Variants in SLC24A3 observed in about 807,000 individuals in gnomAD.
The protein encoded by SLC24A3 is solute carrier family 24 member 3.
A neutral mutation model predicts 75.8 loss-of-function variants in SLC24A3; 28 were observed. The ratio of observed to expected loss-of-function variants is 0.37; its 90% CI spans 0.27 to 0.51. SLC24A3 has a LOEUF of 0.51. Among genes scored for constraint, SLC24A3 ranks in the 20% least tolerant of loss-of-function variants. The pLI, the probability that SLC24A3 is intolerant of heterozygous loss-of-function variation, is 0.94. For missense variants in SLC24A3, 663 were observed against 847.8 expected (o/e 0.78, Z 2.71); for synonymous variants, 372 against 334.1 (o/e 1.11, Z -1.24).
intron 7 of SLC24A3, among the ~76,000 whole-genome samples, chr20:19,663,474 T>TCTA (rs2032361974): frequency 7.5e-6 from 1 of 132,954 alleles, no homozygotes; most frequent in African/African-American, 2.9e-5. Context: ...CTCCTCCTCC[T>TCTA]CCGCCTTCTC....
intron 2 of SLC24A3, among the ~76,000 whole-genome samples, chr20:19,368,582 T>A (rs1218441845): frequency 6.6e-6 from 1 of 152,220 alleles, no homozygotes; most frequent in Non-Finnish European, 1.5e-5. Flanking sequence ...TGGGCCTTGC[T>A]TCTCCTTCCT....
intron 15 of SLC24A3, among the ~76,000 whole-genome samples, chr20:19,699,561 T>C (rs2032848773): frequency 1.3e-5 from 2 of 152,252 alleles, no homozygotes; most frequent in Non-Finnish European, 2.9e-5. Flanking sequence ...AAATATCTTA[T>C]GTGGGAATTA....
chr20:19,330,232 C>T (rs1278233789), intron 2 of SLC24A3, among the ~76,000 whole-genome samples: 2 of 152,148 alleles, frequency 1.3e-5, no homozygotes, highest in East Asian at 1.9e-4. Context: ...GGCCTCCAAT[C>T]GGTGGGTCTG....
intron 2 of SLC24A3, among the ~76,000 whole-genome samples, chr20:19,422,812 A>C (rs1282526460): frequency 6.6e-6 from 1 of 152,204 alleles, no homozygotes; most frequent in Non-Finnish European, 1.5e-5. Flanking sequence ...ACCTCTTTAC[A>C]AAACCCCACC....
intron 9 of SLC24A3, among the ~76,000 whole-genome samples, chr20:19,675,592 A>G (rs948388175): frequency 3.3e-5 from 5 of 152,136 alleles, no homozygotes; most frequent in African/African-American, 1.2e-4. Context: ...GTTACTGTAG[A>G]CCCCACATCT....
At chr20:19,693,527 T>G in intron 13 of SLC24A3, 102 bp downstream of exon 13, 2 of 1,436,324 alleles carry the variant, frequency 1.4e-6, no homozygotes, top group Non-Finnish European at 1.9e-6. Context: ...AGTCAGCTAT[T>G]GCTACAATAA....
chr20:19,680,127 T>C (rs2032595811), intron 9 of SLC24A3, among the ~76,000 whole-genome samples: 1 of 150,534 alleles, frequency 6.6e-6, no homozygotes, highest in Non-Finnish European at 1.5e-5. Context: ...TCTGTGTGTG[T>C]GTCTGTGTGT....
intron 3 of SLC24A3, among the ~76,000 whole-genome samples, chr20:19,522,556 T>C (rs1278452019): frequency 2.0e-5 from 3 of 152,168 alleles, no homozygotes; most frequent in African/African-American, 7.2e-5. Flanking sequence ...GCTCCGTCAG[T>C]GTTAAGGTTT....
chr20:19,680,536 T>A (rs1301314384), intron 9 of SLC24A3, among the ~76,000 whole-genome samples: 2 of 152,160 alleles, frequency 1.3e-5, no homozygotes, highest in Non-Finnish European at 2.9e-5. Flanking sequence ...AGTGTCTGCA[T>A]CCATTATTTC....
chr20:19,508,875 T>C (rs1425613723), intron 2 of SLC24A3, among the ~76,000 whole-genome samples: 1 of 152,242 alleles, frequency 6.6e-6, no homozygotes. Context: ...CCCAACAGGC[T>C]GAGTACCAGA....
chr20:19,389,672 G>A (rs1285838367), intron 2 of SLC24A3, among the ~76,000 whole-genome samples: 1 of 152,050 alleles, frequency 6.6e-6, no homozygotes, highest in East Asian at 1.9e-4. Context: ...TTTTGTCTTT[G>A]ACTTTTGAGA....
chr20:19,529,828 C>T (rs549589434), intron 3 of SLC24A3, among the ~76,000 whole-genome samples: 2 of 152,312 alleles, frequency 1.3e-5, no homozygotes, highest in East Asian at 1.9e-4. Flanking sequence ...TTCTTGCTTG[C>T]GTGTGAACCC....
chr20:19,707,340 T>C (rs1056244725), intron 15 of SLC24A3, among the ~76,000 whole-genome samples: 1 of 151,984 alleles, frequency 6.6e-6, no homozygotes, highest in African/African-American at 2.4e-5. Flanking sequence ...AAACTGGAGA[T>C]CAGTGGAAAG....
intron 2 of SLC24A3, among the ~76,000 whole-genome samples, chr20:19,307,003 T>C (rs149606851): frequency 6.6e-6 from 1 of 152,338 alleles, no homozygotes; most frequent in East Asian, 1.9e-4. Context: ...TGAGGTCTTC[T>C]GAGCCTTCTG....
chr20:19,253,045 G>C (rs1002667116), intron 1 of SLC24A3, among the ~76,000 whole-genome samples: 4 of 152,190 alleles, frequency 2.6e-5, no homozygotes, highest in African/African-American at 9.7e-5. Flanking sequence ...GGCTTCCCAC[G>C]GGGTTAGGCA....
At chr20:19,347,938 C>T (rs1985465157) in intron 2 of SLC24A3, among the ~76,000 whole-genome samples, 1 of 152,218 alleles carries the variant, frequency 6.6e-6, no homozygotes, top group South Asian at 2.1e-4. Flanking sequence ...AATTAAACAA[C>T]ACCCGGCATG....
rs536798351 is a variant in SLC24A3 at position 19,280,980 on chromosome 20, T to C, written c.164T>C (p.Val55Ala). 7 of 1,613,864 alleles carry C rather than the reference T, an allele frequency of 4.3e-6. No homozygotes were observed. In the African/African-American group the frequency reaches 5.3e-5, roughly 12 times the overall value. ...EQKELDLMDL[V>A]GEDRKWMMAR... Reference sequence around the variant, plus strand: ...CCAGAGCTTGACCTCATGGACCTCGTAGGGGAAGACAGAAAGTGGATGATG... The same window carrying C: ...CCAGAGCTTGACCTCATGGACCTCGCAGGGGAAGACAGAAAGTGGATGATG... Residue 55 changes from valine (V) to alanine (A), a missense_variant, in exon 2 of 17, where the codon GTA (valine) becomes GCA (alanine). Val to Ala is a moderately conservative substitution (Grantham distance 64). Around this residue, in one of 2 missense-constraint regions of SLC24A3, gnomAD observed 153 missense variants for 144.2 expected, o/e 1.06. Transcript: ENST00000328041.
chr20:19,270,853 G>T (rs1009442391), intron 1 of SLC24A3, among the ~76,000 whole-genome samples: 1 of 151,986 alleles, frequency 6.6e-6, no homozygotes, highest in East Asian at 1.9e-4. Context: ...GAGAGAGGAA[G>T]GGTCTTCATC....
chr20:19,582,446 C>A (rs2031231243), intron 4 of SLC24A3, among the ~76,000 whole-genome samples: 1 of 152,196 alleles, frequency 6.6e-6, no homozygotes, highest in African/African-American at 2.4e-5. Flanking sequence ...GATTCTCGCT[C>A]AGTCTCAAAT....
Sources: allele counts gnomAD v4.1 joint callset (sites outside exome capture counted in the v4.1 genomes callset), GRCh38; gene constraint gnomAD v4.1.1; regional missense constraint gnomAD v4.1.1; transcripts MANE v1.5; gene names NCBI Gene and HGNC (gene_info 2026-07-23, HGNC 2026-07-21).